DPP10: variants seen among roughly 807,000 people sequenced by gnomAD.
The protein encoded by DPP10 is inactive dipeptidyl peptidase 10.
In DPP10, 33 loss-of-function variants were observed where a neutral mutation model predicts 120.9. That is an observed-to-expected ratio of 0.27 (90% confidence interval 0.21 to 0.37). The LOEUF is 0.37. Among genes scored for constraint, DPP10 ranks in the 10% least tolerant of loss-of-function variants. The pLI is 1.00. For missense variants in DPP10, 816 were observed against 942.8 expected, an observed-to-expected ratio of 0.87 and a Z score of 1.76; for synonymous variants, 337 against 326.1, an observed-to-expected ratio of 1.03 and a Z score of -0.36.
At chr2:114,816,989 G>T (rs1043450983) in intron 1 of DPP10, among the ~76,000 whole-genome samples, 1 of 152,094 alleles carries the variant, frequency 6.6e-6, no homozygotes, top group Admixed American at 6.5e-5. Flanking sequence ...CTATTTTCTG[G>T]CTATAAAACA....
At chr2:114,504,727 T>A (rs1366816978) in intron 1 of DPP10, among the ~76,000 whole-genome samples, 2 of 152,120 alleles carry the variant, frequency 1.3e-5, no homozygotes, top group Non-Finnish European at 2.9e-5. Context: ...TCCTCTACCC[T>A]CTAAGGGTCT....
chr2:115,451,081 C>T (rs977777196), intron 3 of DPP10, among the ~76,000 whole-genome samples: 1 of 151,770 alleles, frequency 6.6e-6, no homozygotes, highest in Non-Finnish European at 1.5e-5. Flanking sequence ...ATTTCTGACT[C>T]CAAAGCCAGT....
intron 1 of DPP10, among the ~76,000 whole-genome samples, chr2:114,988,559 A>G (rs2104910372): frequency 6.6e-6 from 1 of 152,298 alleles, no homozygotes; most frequent in South Asian, 2.1e-4. Context: ...GCTTTTAAAA[A>G]CAATCTCTCC....
intron 5 of DPP10, among the ~76,000 whole-genome samples, chr2:115,656,377 G>T (rs2088343491): frequency 6.6e-6 from 1 of 151,448 alleles, no homozygotes; most frequent in Non-Finnish European, 1.5e-5. Context: ...GCTCAAATTG[G>T]TGCTAATTTT....
chr2:115,038,448 A>G (rs1035174439), intron 1 of DPP10, among the ~76,000 whole-genome samples: 3 of 151,178 alleles, frequency 2.0e-5, no homozygotes, highest in Admixed American at 1.3e-4. Context: ...TGTTTTTTTT[A>G]ACAGATTTTT....
intron 3 of DPP10, among the ~76,000 whole-genome samples, chr2:115,477,427 A>T (rs554548991): frequency 6.6e-6 from 1 of 152,278 alleles, no homozygotes; most frequent in South Asian, 2.1e-4. Flanking sequence ...AAAGGATTAA[A>T]ATATTTAAGA....
At chr2:114,518,521 C>T (rs184917422) in intron 1 of DPP10, among the ~76,000 whole-genome samples, 6 of 152,300 alleles carry the variant, frequency 3.9e-5, no homozygotes, top group Non-Finnish European at 8.8e-5. Flanking sequence ...TCTGAATTAG[C>T]AATTTTTCAG....
intron 5 of DPP10, among the ~76,000 whole-genome samples, chr2:115,533,683 C>T (rs978666226): frequency 5.3e-5 from 8 of 151,888 alleles, no homozygotes; most frequent in African/African-American, 1.5e-4. Context: ...TTCATACATT[C>T]GGGGTTCACT....
intron 1 of DPP10, among the ~76,000 whole-genome samples, chr2:114,667,560 T>A (rs1698022086): frequency 6.6e-6 from 1 of 152,158 alleles, no homozygotes; most frequent in Non-Finnish European, 1.5e-5. Context: ...TCTGTTGAAA[T>A]TTGCCTTCAA....
At chr2:115,124,707 A>T (rs2049986657) in intron 1 of DPP10, among the ~76,000 whole-genome samples, 1 of 152,232 alleles carries the variant, frequency 6.6e-6, no homozygotes, top group East Asian at 1.9e-4. Context: ...TCTATCATGT[A>T]AATTTTATTA....
chr2:114,561,219 T>A (rs1378754374), intron 1 of DPP10, among the ~76,000 whole-genome samples: 1 of 152,228 alleles, frequency 6.6e-6, no homozygotes, highest in Non-Finnish European at 1.5e-5. Flanking sequence ...CTAGTTCAGT[T>A]GGTTGCTGGA....
chr2:114,468,018 C>T (rs547084244), intron 1 of DPP10, among the ~76,000 whole-genome samples: 1 of 152,248 alleles, frequency 6.6e-6, no homozygotes, highest in South Asian at 2.1e-4. Flanking sequence ...GATACACCAT[C>T]TTAGTAATAA....
At chr2:114,872,985 C>T (rs1253571554) in intron 1 of DPP10, among the ~76,000 whole-genome samples, 7 of 152,262 alleles carry the variant, frequency 4.6e-5, no homozygotes, top group African/African-American at 7.2e-5. Flanking sequence ...AAAACGGCTT[C>T]GCCACATGGA....
At chr2:114,957,528 T>G (rs1052559419) in intron 1 of DPP10, among the ~76,000 whole-genome samples, 1 of 152,120 alleles carries the variant, frequency 6.6e-6, no homozygotes, top group Non-Finnish European at 1.5e-5. Context: ...TATTTAAAAC[T>G]CTATGGAAGT....
At chr2:114,615,884 G>C (rs1693636843) in intron 1 of DPP10, among the ~76,000 whole-genome samples, 1 of 152,120 alleles carries the variant, frequency 6.6e-6, no homozygotes, top group Non-Finnish European at 1.5e-5. Context: ...AAAGAATACA[G>C]AGTTTGCCAT....
At position 115,411,674 on chromosome 2, in the gene DPP10, T is replaced by C. The variant is rs1251753476; in HGVS notation, c.271+67762T>C. On this transcript the variant is annotated intron_variant, in intron 3 of 25. Transcript: ENST00000410059. ...GAAAGACTTGGGGAGTAAGCTGTCA[T>C]TTTATGCCTTCTATTGAAGAGCTGA... Among the ~76,000 whole-genome samples the C allele has an allele frequency of 1.3e-5, 2 of 152,206 alleles. 1 individual carries two copies. Among genetic ancestry groups the C allele is most frequent in the Non-Finnish European group, 2.9e-5 (2 of 68,038 alleles).
intron 1 of DPP10, among the ~76,000 whole-genome samples, chr2:115,180,960 A>G (rs2054035115): frequency 1.2e-5 from 1 of 83,636 alleles, no homozygotes; most frequent in Non-Finnish European, 3.5e-5. Flanking sequence ...GCAACAGGAA[A>G]TAAAGAAGTG....
At chr2:114,483,560 A>G (rs1246868602) in intron 1 of DPP10, among the ~76,000 whole-genome samples, 1 of 152,152 alleles carries the variant, frequency 6.6e-6, no homozygotes, top group Non-Finnish European at 1.5e-5. Flanking sequence ...AAGAGCTTAT[A>G]GAAAGCCAGA....
At chr2:115,492,650 C>T (rs941367235) in intron 3 of DPP10, among the ~76,000 whole-genome samples, 2 of 151,994 alleles carry the variant, frequency 1.3e-5, no homozygotes, top group Non-Finnish European at 2.9e-5. Context: ...ATATTAAAGT[C>T]ATATCAATGC....
Sources: gnomAD v4.1 joint callset for allele counts (sites outside exome capture counted in the v4.1 genomes callset) on GRCh38, gnomAD v4.1.1 for gene constraint, MANE v1.5 for transcripts, NCBI Gene and HGNC (gene_info 2026-07-23, HGNC 2026-07-21) for gene names.